Variants in SLC23A2 observed in about 807,000 individuals in gnomAD.
SLC23A2 encodes the protein Na(+)/L-ascorbic acid transporter 2.
SLC23A2 carries 36 observed loss-of-function variants against 73.3 expected under a neutral mutation model. The ratio of observed to expected loss-of-function variants is 0.49; its 90% CI spans 0.38 to 0.65. The LOEUF (loss-of-function observed/expected upper bound fraction) is 0.65, where lower values mean the gene tolerates loss of function less well. SLC23A2 is among the 30% of genes least tolerant of loss of function. The pLI, the probability that SLC23A2 is intolerant of heterozygous loss-of-function variation, is 0.00. For missense variants in SLC23A2, 507 were observed against 841.6 expected, an observed-to-expected ratio of 0.60 and a Z score of 4.92; for synonymous variants, 343 against 327.3, an observed-to-expected ratio of 1.05 and a Z score of -0.52.
intron 9 of SLC23A2, among the ~76,000 whole-genome samples, chr20:4,882,508 G>A (rs1203507468): frequency 6.6e-6 from 1 of 152,062 alleles, no homozygotes; most frequent in Non-Finnish European, 1.5e-5. Flanking sequence ...TTTGTAAAGT[G>A]TAGATAACAA....
Position 4,902,448 on chromosome 20 carries a change from C to A in SLC23A2, c.318G>T (p.Gly106=), listed in dbSNP as rs774857905. ...CCTACAGGAACCATCTTACCTGTAG[C>A]CCCAGAAATATACACAGGTACCAGG... ...VPPWYLCIFL[G]LQHYLTCFSG... Residue 106 remains glycine (G), a synonymous_variant, in exon 5 of 17, where the codon GGG becomes GGT. Coordinates refer to ENST00000338244, the MANE Select transcript of SLC23A2 (RefSeq NM_005116.6). This position sits in a 1 kb window ranked among gnomAD's most constrained non-coding sequence, Gnocchi z 4.0. 3 of 1,563,016 alleles carry A rather than the reference C, an allele frequency of 1.9e-6. No individual in the cohort carries two copies. In the South Asian group the frequency reaches 3.4e-5, roughly 18 times the overall value.
intron 6 of SLC23A2, chr20:4,886,141 G>T: frequency 2.0e-6 from 1 of 491,802 alleles, no homozygotes; most frequent in South Asian, 2.4e-5. Flanking sequence ...GCTCCAGGGT[G>T]GGCCCCGTGG....
At chr20:4,894,969 G>A (rs1003330481) in intron 6 of SLC23A2, among the ~76,000 whole-genome samples, 21 of 152,316 alleles carry the variant, frequency 1.4e-4, no homozygotes, top group African/African-American at 4.3e-4. Context: ...GCACAATAGA[G>A]GGCCCACCCC....
intron 9 of SLC23A2, among the ~76,000 whole-genome samples, chr20:4,881,637 T>A (rs1251680634): frequency 1.3e-5 from 2 of 152,228 alleles, no homozygotes; most frequent in Admixed American, 1.3e-4. Flanking sequence ...ACCACTTCTA[T>A]TTGTGTCACA....
chr20:4,964,327 A>C (rs749681518), intron 2 of SLC23A2, among the ~76,000 whole-genome samples: 1 of 152,170 alleles, frequency 6.6e-6, no homozygotes, highest in Non-Finnish European at 1.5e-5. Flanking sequence ...TAACATCACC[A>C]ATCAAAGGCT....
intron 2 of SLC23A2, among the ~76,000 whole-genome samples, chr20:4,944,047 A>G (rs2087081937): frequency 6.6e-6 from 1 of 152,230 alleles, no homozygotes. Flanking sequence ...ATAGAAATCT[A>G]CTGTTTTGAC....
intron 2 of SLC23A2, among the ~76,000 whole-genome samples, chr20:4,956,061 C>T (rs758777513): frequency 6.6e-6 from 1 of 152,094 alleles, no homozygotes; most frequent in East Asian, 1.9e-4. Flanking sequence ...AACTAAAATG[C>T]TAAATATGGA....
intron 1 of SLC23A2, among the ~76,000 whole-genome samples, chr20:4,980,998 C>T (rs1446323538): frequency 6.6e-6 from 1 of 152,204 alleles, no homozygotes; most frequent in Non-Finnish European, 1.5e-5. Flanking sequence ...TAACCAATAG[C>T]TTCATATACA....
chr20:4,943,957 C>T (rs896094305), intron 2 of SLC23A2, among the ~76,000 whole-genome samples: 1 of 152,134 alleles, frequency 6.6e-6, no homozygotes, highest in Admixed American at 6.5e-5. Context: ...ACAAACCATT[C>T]TACGGGAAGC....
rs2087550520 is a variant in SLC23A2 at position 4,970,917 on chromosome 20, T to A, written c.-279A>T. The A allele has an allele frequency of 6.6e-6, 1 of 152,188 alleles. No individual in the cohort carries two copies. The highest frequency in any genetic ancestry group is 6.5e-5 in the Admixed American group (1 of 15,276). 9.4% of individuals were successfully genotyped at this position (152,188 alleles called of 1,614,324 possible). ...AGTCCCCGTTAGTGGAGTCAAGACC[T>A]AGCTGGAGAAAAGCAAATGGTAAAT... On this transcript the variant is annotated splice_region_variant and 5_prime_UTR_variant, in exon 2 of 17. Coordinates refer to ENST00000338244, the MANE Select transcript of SLC23A2 (RefSeq NM_005116.6).
chr20:5,004,763 G>C (rs1404333114), upstream of SLC23A2, among the ~76,000 whole-genome samples: 1 of 152,184 alleles, frequency 6.6e-6, no homozygotes, highest in Non-Finnish European at 1.5e-5. Context: ...ACTTTGGGAG[G>C]CCGAGGCAGG....
chr20:4,858,110 C>T (rs949808404), intron 16 of SLC23A2, among the ~76,000 whole-genome samples: 2 of 152,196 alleles, frequency 1.3e-5, no homozygotes, highest in African/African-American at 2.4e-5. Flanking sequence ...ATTCACCCCC[C>T]CATCTAGACA....
At chr20:4,912,061 T>A (rs1035315548) in intron 4 of SLC23A2, among the ~76,000 whole-genome samples, 7 of 149,314 alleles carry the variant, frequency 4.7e-5, no homozygotes, top group African/African-American at 1.7e-4. Flanking sequence ...CCCAGGCTGG[T>A]CTCAAACTCC....
At chr20:4,999,679 C>T (rs2088085870) in intron 1 of SLC23A2, among the ~76,000 whole-genome samples, 1 of 151,946 alleles carries the variant, frequency 6.6e-6, no homozygotes, top group Non-Finnish European at 1.5e-5. Context: ...AGGTGTGAAC[C>T]ACAACACCCG....
intron 11 of SLC23A2, among the ~76,000 whole-genome samples, chr20:4,873,179 CTT>C (rs1271869163): frequency 1.3e-5 from 2 of 152,204 alleles, no homozygotes; most frequent in African/African-American, 4.8e-5. Flanking sequence ...TGGCTTCTCT[CTT>C]TTTCTCCTTG....
intron 8 of SLC23A2, among the ~76,000 whole-genome samples, chr20:4,884,447 T>C (rs553613191): frequency 5.4e-4 from 82 of 152,366 alleles, no homozygotes; most frequent in African/African-American, 2.0e-3. Flanking sequence ...CTGTCGATGA[T>C]GAGCCTCTGT....
intron 11 of SLC23A2, among the ~76,000 whole-genome samples, chr20:4,870,479 A>C (rs1025999762): frequency 3.9e-5 from 6 of 152,138 alleles, no homozygotes; most frequent in Non-Finnish European, 8.8e-5. Flanking sequence ...CGGGAGGCTG[A>C]GGCAGGAGAA....
chr20:5,007,248 T>G (rs2088201628), intron 1 of SLC23A2, among the ~76,000 whole-genome samples: 1 of 152,088 alleles, frequency 6.6e-6, no homozygotes. Context: ...TAAACAATTG[T>G]GGCCATGCCT....
At chr20:4,888,791 G>A (rs1203841027) in intron 6 of SLC23A2, among the ~76,000 whole-genome samples, 1 of 152,144 alleles carries the variant, frequency 6.6e-6, no homozygotes, top group African/African-American at 2.4e-5. Context: ...CTACAACTTA[G>A]GACTTTTTGT....
Sources: gnomAD v4.1 joint callset for allele counts (sites outside exome capture counted in the v4.1 genomes callset) on GRCh38, gnomAD v4.1.1 for gene constraint, Gnocchi (gnomAD v3.1) non-coding constraint, MANE v1.5 for transcripts, NCBI Gene and HGNC (gene_info 2026-07-23, HGNC 2026-07-21) for gene names.